Variants in PUS7L observed in about 807,000 individuals in gnomAD.
PUS7L encodes pseudouridine synthase 7 like.
PUS7L carries 49 observed loss-of-function variants against 51.1 expected under a neutral mutation model. The ratio of observed to expected loss-of-function variants is 0.96; its 90% confidence interval spans 0.76 to 1.22. PUS7L has a LOEUF of 1.22. Among genes scored for constraint, PUS7L ranks in the 50% most tolerant of loss-of-function variants. The pLI is 0.00. For synonymous variants in PUS7L, 277 were observed against 276.2 expected, an observed-to-expected ratio of 1.00 and a Z score of -0.03; for missense variants, 828 against 820.6, an observed-to-expected ratio of 1.01 and a Z score of -0.11.
At chr12:43,737,487 A>G (rs1246334128) in intron 6 of PUS7L, among the ~76,000 whole-genome samples, 1 of 151,802 alleles carries the variant, frequency 6.6e-6, no homozygotes. Context: ...CCTTTATTTC[A>G]ATATAAGTGA....
At position 43,722,152 on chromosome 12, in the gene PUS7L, T is replaced by C. The variant is rs1218609266; in HGVS notation, c.*8224A>G. The C allele has an allele frequency of 6.6e-6, 1 of 152,124 alleles. No individual in the cohort carries two copies. Among genetic ancestry groups the C allele is most frequent in the Non-Finnish European group, 1.5e-5 (1 of 67,998 alleles). 9.4% of individuals were successfully genotyped at this position (152,124 alleles called of 1,614,324 possible). The stretch of plus-strand genomic sequence containing the variant: ...TCAACCTGTATTTGTGAAACAGCTG[T>C]AACAAAGGGTATGTACTATGGAGTA... On this transcript the variant is annotated 3_prime_UTR_variant, in exon 9 of 9. Transcript: ENST00000344862.
At chr12:43,756,951 CA>C (rs1394724419) in intron 1 of PUS7L, among the ~76,000 whole-genome samples, 1 of 152,180 alleles carries the variant, frequency 6.6e-6, no homozygotes, top group Non-Finnish European at 1.5e-5. Flanking sequence ...CCCTGGCTTC[CA>C]AGGACATCTA....
chr12:43,750,657 G>A (rs1019254777), intron 2 of PUS7L, among the ~76,000 whole-genome samples: 4 of 152,028 alleles, frequency 2.6e-5, no homozygotes, highest in Non-Finnish European at 5.9e-5. Flanking sequence ...ATAGAACACT[G>A]AACAAAACAT....
chr12:43,749,982 A>G (rs1938364890), intron 2 of PUS7L, among the ~76,000 whole-genome samples: 1 of 152,188 alleles, frequency 6.6e-6, no homozygotes, highest in East Asian at 1.9e-4. Flanking sequence ...TCGTACCCCA[A>G]ATCTCAGCAT....
rs145200603 is a variant in PUS7L, at chr12:43,727,620, G to A, written c.*2756C>T. ...TACCAAATGTTCTTACTCATAAGTGGGAGCTGAACTTTGAGTACACTTGGA... is the reference window on the plus strand; with the variant it reads ...TACCAAATGTTCTTACTCATAAGTGAGAGCTGAACTTTGAGTACACTTGGA... On this transcript the variant is annotated 3_prime_UTR_variant, in exon 9 of 9. Transcript: ENST00000344862. The A allele has an allele frequency of 1.1e-4, 17 of 152,246 alleles. No homozygotes were observed. The highest frequency in any genetic ancestry group is 3.4e-4 in the African/African-American group (14 of 41,530). 9.4% of individuals were successfully genotyped at this position (152,246 alleles called of 1,614,324 possible).
rs1387501421 is a variant in PUS7L, at chr12:43,727,309, A to G, written c.*3067T>C. 6.6e-6 allele frequency: 1 copy of G among 152,198 alleles called. No individual in the cohort carries two copies. Among genetic ancestry groups the G allele is most frequent in the Non-Finnish European group, 1.5e-5 (1 of 68,038 alleles). 9.4% of individuals were successfully genotyped at this position (152,198 alleles called of 1,614,324 possible). ...TCAAAGAACTTAAAGCAGACATACC[A>G]TTTGACCCAGCAATCCCATTATTGG... On this transcript the variant is annotated 3_prime_UTR_variant, in exon 9 of 9. Coordinates refer to ENST00000344862, the MANE Select transcript of PUS7L (RefSeq NM_031292.5).
chr12:43,729,138 T>C lies in PUS7L; in HGVS notation c.*1238A>G. ...ACTACATATTTTACCATCAAGTTGA[T>C]ACACATCATTTTACTTACTTTAGTT... On this transcript the variant is annotated 3_prime_UTR_variant, in exon 9 of 9. Coordinates refer to ENST00000344862, the MANE Select transcript of PUS7L (RefSeq NM_031292.5). The C allele has an allele frequency of 2.5e-6, 1 of 397,126 alleles. No individual in the cohort carries two copies. Among genetic ancestry groups the C allele is most frequent in the East Asian group, 3.6e-5 (1 of 27,938 alleles). 24.6% of individuals were successfully genotyped at this position (397,126 alleles called of 1,614,324 possible). A position where few individuals can be genotyped will look rare whatever the true frequency, so the allele number is the denominator to read the frequency against.
chr12:43,754,186 T>C (rs1200065305), intron 2 of PUS7L, 150 bp downstream of exon 2: 2 of 504,010 alleles, frequency 4.0e-6, no homozygotes, highest in Middle Eastern at 5.3e-4. Context: ...ATTCCTAGAG[T>C]TGCTTAAATT....
intron 7 of PUS7L, among the ~76,000 whole-genome samples, chr12:43,732,851 C>T (rs1028932943): frequency 4.6e-5 from 7 of 152,150 alleles, no homozygotes; most frequent in African/African-American, 1.7e-4. Context: ...CACTCAGAAA[C>T]AGAAACAAAG....
Position 43,746,115 on chromosome 12 carries a change from A to T in PUS7L, c.1194T>A (p.Asn398Lys). 6.6e-7 allele frequency: 1 copy of T among 1,522,232 alleles called. No individual in the cohort carries two copies. The highest frequency in any genetic ancestry group is 9.1e-7 in the Non-Finnish European group (1 of 1,100,812). The allele number at this position is 1,522,232 out of a possible 1,614,324, so 94.3% of individuals were successfully genotyped here. The change falls in exon 4 of 9, where the codon AAT becomes AAA. Residue 398 changes from asparagine (N) to lysine (K), a missense_variant. Physicochemically the swap from Asn to Lys is moderately conservative, Grantham distance 94 (BLOSUM62 0). Transcript: ENST00000344862. ...CAGAATCATTTATTTGTTTTTTTAA[A>T]TTTCTAATGACAATATCAAAGTGAT... ...KGNHFDIVIR[N>K]LKKQINDSAN...
At chr12:43,738,815 C>T in intron 5 of PUS7L, 1 of 298,580 alleles carries the variant, frequency 3.3e-6, no homozygotes. Flanking sequence ...AACTTTTTTG[C>T]AGTCATTTCA....
At chr12:43,750,841 G>A (rs1938406004) in intron 2 of PUS7L, among the ~76,000 whole-genome samples, 1 of 152,204 alleles carries the variant, frequency 6.6e-6, no homozygotes, top group Admixed American at 6.5e-5. Context: ...GCTGAGTTAG[G>A]AGGGTAGATA....
In PUS7L at chr12:43,726,736, G is replaced by A. The variant is rs1944459777; in HGVS notation, c.*3640C>T. 6.6e-6 allele frequency: 1 copy of A among 152,088 alleles called. No individual in the cohort carries two copies. Among genetic ancestry groups the A allele is most frequent in the Non-Finnish European group, 1.5e-5 (1 of 68,050 alleles). 9.4% of individuals were successfully genotyped at this position (152,088 alleles called of 1,614,324 possible). The stretch of plus-strand genomic sequence containing the variant: ...CCAGCTACTTGAGAGGCTGGGGCAG[G>A]AGAATGGCTTGAACCCAGGAGGAGG... On this transcript the variant is annotated 3_prime_UTR_variant, in exon 9 of 9. Coordinates refer to ENST00000344862, the MANE Select transcript of PUS7L (RefSeq NM_031292.5).
chr12:43,757,161 G>A (rs1328315525), intron 1 of PUS7L, among the ~76,000 whole-genome samples: 1 of 152,042 alleles, frequency 6.6e-6, no homozygotes, highest in Non-Finnish European at 1.5e-5. Context: ...TAATCTACAG[G>A]AACCTGCAAG....
rs1944508170 is a variant in PUS7L, at chr12:43,729,794, G to C, written c.*582C>G. 6.6e-6 allele frequency: 1 copy of C among 152,384 alleles called. No individual in the cohort carries two copies. The highest frequency in any genetic ancestry group is 1.5e-5 in the Non-Finnish European group (1 of 68,228). The allele number at this position is 152,384 out of a possible 1,614,324, so 9.4% of individuals were successfully genotyped here. On this transcript the variant is annotated 3_prime_UTR_variant, in exon 9 of 9. Transcript: ENST00000344862. ...ATGCCAAGATATAAAAATTGGATGA[G>C]AAATTGTATTTCAATCTTCATCAAA...
At chr12:43,749,528 A>T (rs1938342044) in intron 2 of PUS7L, among the ~76,000 whole-genome samples, 1 of 152,068 alleles carries the variant, frequency 6.6e-6, no homozygotes, top group Non-Finnish European at 1.5e-5. Flanking sequence ...ACAAAAAATT[A>T]AAAAGTTAGC....
intron 2 of PUS7L, among the ~76,000 whole-genome samples, chr12:43,749,621 G>A (rs1419017445): frequency 6.6e-6 from 1 of 152,138 alleles, no homozygotes; most frequent in Non-Finnish European, 1.5e-5. Context: ...AGCAAGCCAC[G>A]ATGGTGCCAC....
At chr12:43,747,945 A>G (rs552289784) in intron 3 of PUS7L, among the ~76,000 whole-genome samples, 32 of 152,012 alleles carry the variant, frequency 2.1e-4, no homozygotes, top group African/African-American at 7.5e-4. Context: ...ACGCCATCAC[A>G]TCCAGCTAAT....
rs912701616 is a variant in PUS7L, at chr12:43,757,136, G to GT, written c.-17+1593dup. On this transcript the variant is annotated intron_variant, in intron 1 of 8. Coordinates refer to ENST00000344862, the MANE Select transcript of PUS7L (RefSeq NM_031292.5). Reference sequence around the variant, plus strand: ...TTTTAGGATTCATTTCCTCAGAGAAGTTTTTCCTGACCAATAATCTACAGG... The same window carrying GT: ...TTTTAGGATTCATTTCCTCAGAGAAGTTTTTTCCTGACCAATAATCTACAGG... Among the ~76,000 whole-genome samples, 73 of 152,302 alleles carry GT rather than the reference G, an allele frequency of 4.8e-4. 1 individual carries two copies. The highest frequency in any genetic ancestry group is 6.9e-4 in the Non-Finnish European group (47 of 68,024).
Sources: gnomAD v4.1 joint callset for allele counts (sites outside exome capture counted in the v4.1 genomes callset) on GRCh38, gnomAD v4.1.1 for gene constraint, MANE v1.5 for transcripts, NCBI Gene and HGNC (gene_info 2026-07-23, HGNC 2026-07-21) for gene names.